Variants in ATAD3B observed in about 807,000 individuals in gnomAD.
ATAD3B encodes ATPase family AAA domain containing 3B.
ATAD3B carries 59 observed loss-of-function variants against 70.2 expected under a neutral mutation model. That is an observed-to-expected ratio of 0.84 (90% CI 0.68 to 1.04). ATAD3B has a LOEUF of 1.04. Among genes scored for constraint, ATAD3B ranks in the 50% least tolerant of loss-of-function variants. The pLI is 0.00. For missense variants in ATAD3B, 961 were observed against 913.4 expected, an observed-to-expected ratio of 1.05 and a Z score of -0.67; for synonymous variants, 423 against 388.6, an observed-to-expected ratio of 1.09 and a Z score of -1.04.
At position 1,497,770 on chromosome 1, in the gene ATAD3B, G is replaced by T. The variant is rs1234027826; in HGVS notation, c.*1953G>T. ...AATCCCAGCTACTCGGGAGGCTGAG[G>T]CAGGAGACTCGCTTGGACCTGGGAG... On this transcript the variant is annotated 3_prime_UTR_variant, in exon 16 of 16. Coordinates refer to ENST00000673477, the MANE Select transcript of ATAD3B (RefSeq NM_031921.6). 2.0e-5 allele frequency: 3 copies of T among 150,466 alleles called. No individual in the cohort carries two copies. The highest frequency in any genetic ancestry group is 4.4e-5 in the Non-Finnish European group (3 of 67,886). 9.3% of individuals were successfully genotyped at this position (150,466 alleles called of 1,614,324 possible).
downstream of ATAD3B, among the ~76,000 whole-genome samples, chr1:1,498,003 A>T (rs1164880405): frequency 1.3e-5 from 2 of 150,572 alleles, no homozygotes; most frequent in African/African-American, 4.9e-5. Flanking sequence ...CCATCTCTAC[A>T]AAAAATACAA....
rs1390892078 is a variant in ATAD3B, at chr1:1,473,494, G to A, written c.205+1405G>A. Among the ~76,000 whole-genome samples, 3 of 149,586 alleles carry A rather than the reference G, an allele frequency of 2.0e-5. 1 individual carries two copies. Among genetic ancestry groups the A allele is most frequent in the Admixed American group, 1.3e-4 (2 of 14,918 alleles). On this transcript the variant is annotated intron_variant, in intron 1 of 15. Transcript: ENST00000673477. ...GCTGGGATTACAGGCGTGAGCCACC[G>A]CATGCCACCTTTTTTTTTTTAAGAT...
chr1:1,488,219 ATGCTGGGATTACATGCG>A (rs1387193984), intron 12 of ATAD3B, among the ~76,000 whole-genome samples: 2 of 151,898 alleles, frequency 1.3e-5, no homozygotes, highest in African/African-American at 4.8e-5. Flanking sequence ...GCCTCCCAAA[ATGCTGGGATTACATGCG>A]TGATCCACCA....
intron 13 of ATAD3B, chr1:1,489,795 C>G: frequency 7.8e-7 from 1 of 1,286,516 alleles, no homozygotes; most frequent in South Asian, 1.3e-5. Flanking sequence ...TCGACGCTCC[C>G]TGGAGCCCTG....
At chr1:1,508,249 G>A in the ATAD3B span, among the ~76,000 whole-genome samples, 1 of 151,366 alleles carries the variant, frequency 6.6e-6, no homozygotes, top group Admixed American at 6.6e-5. Context: ...CCACAGTGGT[G>A]GTCCAGCTCC....
At chr1:1,508,808 C>G in the ATAD3B span, among the ~76,000 whole-genome samples, 1 of 151,470 alleles carries the variant, frequency 6.6e-6, no homozygotes, top group African/African-American at 2.5e-5. Context: ...GCCCTGGAGG[C>G]CTGTGAGGGT....
At chr1:1,487,735 C>G in intron 11 of ATAD3B, 128 bp from the exon 12 acceptor site, 1 of 1,182,322 alleles carries the variant, frequency 8.5e-7, no homozygotes, top group Non-Finnish European at 1.2e-6. Flanking sequence ...GGACTTAGGG[C>G]TCCTGATGGG....
rs1226445465 is a variant in ATAD3B, at chr1:1,490,379, T to G, written c.1460T>G (p.Leu487Arg). Residue 487 changes from leucine to arginine, a missense_variant, in exon 14 of 16, where the codon CTG (leucine) becomes CGG (arginine). By Grantham distance (102) the Leu-to-Arg change is moderately radical. Coordinates refer to ENST00000673477, the MANE Select transcript of ATAD3B (RefSeq NM_031921.6). ...QQEERERLVRLHFDNCVLKPA... is the reference protein window; with the variant it reads ...QQEERERLVRRHFDNCVLKPA... ...GAGGAGCGGGAGCGCCTGGTGAGAC[T>G]GCATTTTGACAACTGTGTTCTTAAG... The G allele has an allele frequency of 1.2e-6, 2 of 1,613,332 alleles. No homozygotes were observed. The highest frequency in any genetic ancestry group is 1.3e-5 in the African/African-American group (1 of 74,924).
At chr1:1,499,637 A>G, downstream of ATAD3B, among the ~76,000 whole-genome samples, 1 of 118,654 alleles carries the variant, frequency 8.4e-6, no homozygotes, top group Non-Finnish European at 1.6e-5. Context: ...CTTGTAGCCC[A>G]GGCTGGAGTG....
At chr1:1,493,824 C>T (rs1640649253) in intron 15 of ATAD3B, among the ~76,000 whole-genome samples, 1 of 151,846 alleles carries the variant, frequency 6.6e-6, no homozygotes, top group Non-Finnish European at 1.5e-5. Flanking sequence ...ATTCGTTTTG[C>T]TGGCATTTTG....
chr1:1,484,927 A>G (rs1640119385), intron 7 of ATAD3B, 89 bp from the exon 8 acceptor site: 1 of 1,494,600 alleles, frequency 6.7e-7, no homozygotes, highest in Non-Finnish European at 9.0e-7. Context: ...CCTCAGGCGG[A>G]GAGAGGGTGG....
In ATAD3B at chr1:1,495,620, C is replaced by G. The variant is rs531492333; in HGVS notation, c.1750C>G (p.Pro584Ala). 4 of 1,612,920 alleles carry G rather than the reference C, an allele frequency of 2.5e-6. No homozygotes were observed. Among genetic ancestry groups the G allele is most frequent in the Non-Finnish European group, 3.4e-6 (4 of 1,179,468 alleles). Residue 584 changes from proline (P) to alanine (A), a missense_variant, in exon 16 of 16, where the codon CCC (proline) becomes GCC (alanine). Transcript: ENST00000673477. The stretch of plus-strand genomic sequence containing the variant: ...GGGGCCTGGGCGCGGGGTCGAGCAC[C>G]CCCTATCCGGAGTCCAAGGCGAGAC... ...AEGPGRGVEH[P>A]LSGVQGETLT...
the ATAD3B span, among the ~76,000 whole-genome samples, chr1:1,506,436 A>G: frequency 6.9e-6 from 1 of 145,850 alleles, no homozygotes; most frequent in Non-Finnish European, 1.5e-5. Context: ...ATGGAGTCTC[A>G]CTCTGTCACC....
At chr1:1,505,384 GAA>G in the ATAD3B span, among the ~76,000 whole-genome samples, 1 of 152,220 alleles carries the variant, frequency 6.6e-6, no homozygotes, top group Non-Finnish European at 1.5e-5. Flanking sequence ...GATGGAACGT[GAA>G]GGCGGACTAG....
chr1:1,486,391 C>T (rs1373575506), intron 10 of ATAD3B, among the ~76,000 whole-genome samples, 153 bp from the exon 11 acceptor site: 2 of 151,384 alleles, frequency 1.3e-5, no homozygotes, highest in Non-Finnish European at 1.5e-5. Context: ...AGCAGCGCCT[C>T]CCATCTTCCA....
intron 2 of ATAD3B, chr1:1,478,330 C>G (rs1639707529): frequency 2.5e-6 from 3 of 1,196,264 alleles, no homozygotes; most frequent in Admixed American, 5.7e-5. Flanking sequence ...GGCACGAGCT[C>G]TGCCCTCATC....
chr1:1,493,737 A>G (rs1374747108), intron 15 of ATAD3B, among the ~76,000 whole-genome samples: 3 of 151,692 alleles, frequency 2.0e-5, no homozygotes, highest in East Asian at 1.9e-4. Context: ...ATTGATTTTC[A>G]TATATTGAAC....
the ATAD3B span, among the ~76,000 whole-genome samples, chr1:1,508,948 G>A: frequency 4.6e-5 from 7 of 151,760 alleles, no homozygotes; most frequent in South Asian, 2.1e-4. Context: ...GTGAGGCTCC[G>A]CCTTGGGCTT....
the ATAD3B span, among the ~76,000 whole-genome samples, chr1:1,508,169 G>A: frequency 6.6e-6 from 1 of 151,798 alleles, no homozygotes; most frequent in Non-Finnish European, 1.5e-5. Flanking sequence ...ATGTTGAGCA[G>A]TCCTGGGCCC....
Sources: allele counts gnomAD v4.1 joint callset (sites outside exome capture counted in the v4.1 genomes callset), GRCh38; gene constraint gnomAD v4.1.1; transcripts MANE v1.5; gene names NCBI Gene and HGNC (gene_info 2026-07-23, HGNC 2026-07-21).